The following TMEM272 variants were observed in gnomAD, a reference collection of about 807,000 sequenced individuals.
TMEM272 encodes long intergenic non-protein coding RNA 282.
TMEM272 carries 8 observed loss-of-function variants against 3.7 expected under a neutral mutation model. The ratio of observed to expected loss-of-function variants is 2.17; its 90% CI spans 1.27 to 3.91. The LOEUF (loss-of-function observed/expected upper bound fraction) is 3.91. TMEM272 is among the 30% of genes most tolerant of loss of function. TMEM272 has a pLI of 0.00. For synonymous variants in TMEM272, 63 were observed against 39.8 expected (o/e 1.58, Z -2.20); for missense variants, 166 against 91.5 (o/e 1.81, Z -3.32).
chr13:51,817,046 T>C lies in TMEM272; in HGVS notation c.269A>G (p.Asp90Gly). The change falls in exon 5 of 5, where the codon GAC becomes GGC. Residue 90 changes from aspartate to glycine, a missense_variant. Physicochemically the swap from Asp to Gly is moderately conservative, Grantham distance 94. Transcript: ENST00000629372. ...RLLSKAVVID[D>G]DDDDEYPWRQ... ...CCAGGGGTATTCGTCATCGTCATCGTCATCAATCACCACGGCCTTGGACAG... is the reference window on the plus strand; with the variant it reads ...CCAGGGGTATTCGTCATCGTCATCGCCATCAATCACCACGGCCTTGGACAG... The C allele has an allele frequency of 1.4e-6, 1 of 702,954 alleles. No homozygotes were observed. The highest frequency in any genetic ancestry group is 2.6e-6 in the Non-Finnish European group (1 of 384,984). The allele number at this position is 702,954 out of a possible 1,614,324, so 43.5% of individuals were successfully genotyped here. A position where few individuals can be genotyped will look rare whatever the true frequency, so the allele number is the denominator to read the frequency against.
chr13:51,875,418 A>G, the TMEM272 span, among the ~76,000 whole-genome samples: 1 of 152,186 alleles, frequency 6.6e-6, no homozygotes, highest in Non-Finnish European at 1.5e-5. Flanking sequence ...ACCAATGGAC[A>G]TACCTGCTTC....
At chr13:51,876,297 C>T in the TMEM272 span, among the ~76,000 whole-genome samples, 2 of 152,234 alleles carry the variant, frequency 1.3e-5, no homozygotes, top group African/African-American at 4.8e-5. Flanking sequence ...GTGTGGTCAA[C>T]AGACCACTAT....
At chr13:51,887,425 TTTTG>T in the TMEM272 span, among the ~76,000 whole-genome samples, 1 of 152,218 alleles carries the variant, frequency 6.6e-6, no homozygotes, top group African/African-American at 2.4e-5. Flanking sequence ...GTCGTCTCTA[TTTTG>T]TTTCTTTTAG....
chr13:51,886,776 G>A, the TMEM272 span, among the ~76,000 whole-genome samples: 1 of 152,186 alleles, frequency 6.6e-6, no homozygotes, highest in Non-Finnish European at 1.5e-5. Context: ...TAATTAAGTA[G>A]TGAAAACTAA....
chr13:51,827,668 G>A (rs146398221), intron 2 of TMEM272, among the ~76,000 whole-genome samples: 1 of 152,242 alleles, frequency 6.6e-6, no homozygotes, highest in East Asian at 1.9e-4. Context: ...CCTCATGGTA[G>A]CTTCTGTAGC....
chr13:51,882,752 TAACA>T, the TMEM272 span, among the ~76,000 whole-genome samples: 2 of 150,630 alleles, frequency 1.3e-5, no homozygotes, highest in Admixed American at 1.3e-4. Flanking sequence ...TAAAAATAAA[TAACA>T]AATAAAAAAT....
At chr13:51,900,754 T>G in the TMEM272 span, among the ~76,000 whole-genome samples, 1 of 152,158 alleles carries the variant, frequency 6.6e-6, no homozygotes, top group East Asian at 1.9e-4. Context: ...ATGTGATATA[T>G]CCATAAAATG....
intron 2 of TMEM272, among the ~76,000 whole-genome samples, chr13:51,835,350 G>A (rs1204812742): frequency 3.3e-5 from 5 of 151,484 alleles, no homozygotes; most frequent in Admixed American, 1.3e-4. Flanking sequence ...CCAGCCTCCC[G>A]AGTAGCTGGG....
chr13:51,851,135 G>T, the TMEM272 span, among the ~76,000 whole-genome samples: 1 of 152,136 alleles, frequency 6.6e-6, no homozygotes, highest in Non-Finnish European at 1.5e-5. Flanking sequence ...AGGAGTTTGA[G>T]ACCAGCTGGG....
chr13:51,885,294 G>A, the TMEM272 span, among the ~76,000 whole-genome samples: 1 of 152,164 alleles, frequency 6.6e-6, no homozygotes, highest in Admixed American at 6.5e-5. Context: ...CTGAGACTGG[G>A]CAATTTATAA....
chr13:51,891,429 G>A, the TMEM272 span, among the ~76,000 whole-genome samples: 2 of 152,204 alleles, frequency 1.3e-5, no homozygotes, highest in Non-Finnish European at 2.9e-5. Context: ...TTTATGACAA[G>A]CCTAATTTAG....
chr13:51,922,427 A>T, the TMEM272 span, among the ~76,000 whole-genome samples: 2 of 152,106 alleles, frequency 1.3e-5, no homozygotes, highest in Non-Finnish European at 2.9e-5. Context: ...GTAATTTTTT[A>T]AATTATTTTT....
At chr13:51,866,068 A>T in the TMEM272 span, 2 of 1,578,244 alleles carry the variant, frequency 1.3e-6, no homozygotes, top group Non-Finnish European at 8.6e-7. Flanking sequence ...CCTTCTCCCG[A>T]GGCAGGGCGT....
upstream of TMEM272, among the ~76,000 whole-genome samples, chr13:51,849,337 G>C (rs961706930): frequency 8.5e-5 from 13 of 152,336 alleles, no homozygotes; most frequent in Middle Eastern, 3.4e-3. Context: ...CCAGGGGCTG[G>C]AGGAAGGGGA....
chr13:51,928,676 T>C, the TMEM272 span, among the ~76,000 whole-genome samples: 30 of 152,106 alleles, frequency 2.0e-4, no homozygotes, highest in Non-Finnish European at 3.7e-4. Context: ...AAAATAGAGG[T>C]CTGGAGCAGT....
chr13:51,920,319 T>C, the TMEM272 span, among the ~76,000 whole-genome samples: 1 of 152,170 alleles, frequency 6.6e-6, no homozygotes, highest in Admixed American at 6.5e-5. Flanking sequence ...AAGATAAGAC[T>C]TTGACAGTAA....
the TMEM272 span, among the ~76,000 whole-genome samples, chr13:51,879,120 T>C: frequency 6.6e-6 from 1 of 152,192 alleles, no homozygotes; most frequent in East Asian, 1.9e-4. Flanking sequence ...ACTGGGCCTC[T>C]TGACAATGTA....
At chr13:51,846,914 T>C (rs1168261985), upstream of TMEM272, among the ~76,000 whole-genome samples, 1 of 152,240 alleles carries the variant, frequency 6.6e-6, no homozygotes, top group Non-Finnish European at 1.5e-5. Flanking sequence ...ACAGTGTTTA[T>C]GAAGGCTATA....
the TMEM272 span, chr13:51,909,985 T>A: frequency 1.9e-6 from 3 of 1,572,058 alleles, no homozygotes; most frequent in Non-Finnish European, 2.6e-6. Flanking sequence ...CAATTTTCAC[T>A]CGAAGCATCT....
Sources: gnomAD v4.1 joint callset for allele counts (sites outside exome capture counted in the v4.1 genomes callset) on GRCh38, gnomAD v4.1.1 for gene constraint, MANE v1.5 for transcripts, NCBI Gene and HGNC (gene_info 2026-07-23, HGNC 2026-07-21) for gene names.